The following SLC25A23 variants were observed in gnomAD, a reference collection of about 807,000 sequenced individuals.
The protein encoded by SLC25A23 is solute carrier family 25 member 23.
SLC25A23 carries 32 observed loss-of-function variants against 53.9 expected under a neutral mutation model. That is an observed-to-expected ratio of 0.59 (90% CI 0.45 to 0.80). The LOEUF is 0.80. SLC25A23 is among the 30% of genes least tolerant of loss of function. The pLI, the probability that SLC25A23 is intolerant of heterozygous loss-of-function variation, is 0.00. For synonymous variants in SLC25A23, 275 were observed against 264.5 expected (o/e 1.04, Z -0.38); for missense variants, 575 against 651.4 (o/e 0.88, Z 1.28).
At chr19:6,457,626 T>G in intron 2 of SLC25A23, 36 bp from the exon 3 acceptor site, 1 of 1,582,340 alleles carries the variant, frequency 6.3e-7, no homozygotes, top group Non-Finnish European at 8.7e-7. Flanking sequence ...AGGATGTGCG[T>G]GTGAGGACAC....
rs535855605 is a variant in SLC25A23 at position 6,442,171 on chromosome 19, C to A, written c.1223-12G>T. 3.3e-6 allele frequency: 2 copies of A among 597,874 alleles called. No homozygotes were observed. Among genetic ancestry groups the A allele is most frequent in the Admixed American group, 6.7e-5 (2 of 29,854 alleles). 37.0% of individuals were successfully genotyped at this position (597,874 alleles called of 1,614,324 possible). Reference sequence around the variant, plus strand: ...ACCCTCGATGGAGGCTGGGAGGGGGCGGGGGGGGCACCAGGTAAGGCCAAC... The same window carrying A: ...ACCCTCGATGGAGGCTGGGAGGGGGAGGGGGGGGCACCAGGTAAGGCCAAC... On this transcript the variant is annotated splice_polypyrimidine_tract_variant and intron_variant, in intron 9 of 9. Transcript: ENST00000301454.
At position 6,442,179 on chromosome 19, in the gene SLC25A23, G is replaced by T; in HGVS notation, c.1223-20C>A. The stretch of plus-strand genomic sequence containing the variant: ...TGGAGGCTGGGAGGGGGCGGGGGGG[G>T]CACCAGGTAAGGCCAACGTTCCCCT... On this transcript the variant is annotated intron_variant, in intron 9 of 9. Transcript: ENST00000301454. 1 of 1,456,834 alleles carries T rather than the reference G, an allele frequency of 6.9e-7. No homozygotes were observed. Among genetic ancestry groups the T allele is most frequent in the Non-Finnish European group, 9.2e-7 (1 of 1,092,352 alleles). The allele number at this position is 1,456,834 out of a possible 1,614,324, so 90.2% of individuals were successfully genotyped here. A position where few individuals can be genotyped will look rare whatever the true frequency, so the allele number is the denominator to read the frequency against.
intron 8 of SLC25A23, among the ~76,000 whole-genome samples, chr19:6,448,580 C>A (rs1050242572): frequency 1.3e-5 from 2 of 151,854 alleles, no homozygotes; most frequent in African/African-American, 4.8e-5. Flanking sequence ...AAGCGATTCT[C>A]CTGTCTCAGC....
rs901763525 is a variant in SLC25A23, at chr19:6,454,254, C to A, written c.795+69G>T. ...GTTCACCACCCACCCCCAAGCCAAT[C>A]CCGTAAATCTTTATGTACAGCCCAG... On this transcript the variant is annotated intron_variant, in intron 6 of 9. Coordinates refer to ENST00000301454, the MANE Select transcript of SLC25A23 (RefSeq NM_024103.3). This position sits in a 1 kb window ranked among gnomAD's most constrained non-coding sequence, Gnocchi z 4.3. 2 of 1,558,872 alleles carry A rather than the reference C, an allele frequency of 1.3e-6. No individual in the cohort carries two copies. Among genetic ancestry groups the A allele is most frequent in the Non-Finnish European group, 8.7e-7 (1 of 1,149,316 alleles).
intron 1 of SLC25A23, among the ~76,000 whole-genome samples, chr19:6,458,860 T>A (rs973307525): frequency 1.3e-5 from 2 of 152,252 alleles, no homozygotes; most frequent in Admixed American, 1.3e-4. Flanking sequence ...AGGGTTGCTG[T>A]GGTTCTCTTA....
At position 6,454,640 on chromosome 19, in the gene SLC25A23, T is replaced by C. The variant is rs8103745; in HGVS notation, c.561A>G (p.Lys187=). The change falls in exon 5 of 10, where the codon AAA becomes AAG. Residue 187 remains lysine (K), a synonymous_variant. Coordinates refer to ENST00000301454, the MANE Select transcript of SLC25A23 (RefSeq NM_024103.3). This position sits in a 1 kb window ranked among gnomAD's most constrained non-coding sequence, Gnocchi z 4.3. ...CTGCCACTGCGCCGGCCACCAGCTG[T>C]TTCCACCACATGCCCGTCAGCTTCT... ...KQEKLTGMWW[K]QLVAGAVAGA... is the part of the protein sequence containing the mutation. 101,286 of 1,613,994 alleles carry C rather than the reference T, an allele frequency of 0.063. 12,628 individuals are homozygous for C. Among genetic ancestry groups the C allele is most frequent in the African/African-American group, 0.54 (40,520 of 74,988 alleles).
intron 8 of SLC25A23, among the ~76,000 whole-genome samples, chr19:6,451,588 G>A (rs968287813): frequency 6.6e-6 from 1 of 152,078 alleles, no homozygotes; most frequent in African/African-American, 2.4e-5. Context: ...GGGGAGACCT[G>A]GTGATCCCAC....
chr19:6,442,381 G>A (rs2092435643), intron 9 of SLC25A23, among the ~76,000 whole-genome samples: 1 of 152,108 alleles, frequency 6.6e-6, no homozygotes, highest in Non-Finnish European at 1.5e-5. Flanking sequence ...GAGCAGGTAT[G>A]GGTGTGCAAG....
At chr19:6,458,125 TA>T (rs2092707266) in intron 2 of SLC25A23, 72 bp downstream of exon 2, 1 of 1,563,646 alleles carries the variant, frequency 6.4e-7, no homozygotes, top group African/African-American at 1.4e-5. Flanking sequence ...CTGCCAGTTC[TA>T]ACCCCACTGA....
At chr19:6,439,082 T>C (rs2092375138), downstream of SLC25A23, among the ~76,000 whole-genome samples, 1 of 151,524 alleles carries the variant, frequency 6.6e-6, no homozygotes, top group African/African-American at 2.4e-5. Flanking sequence ...AAGTTGGGCA[T>C]GGTGGTGGTT....
chr19:6,445,215 T>G (rs1274098952), intron 8 of SLC25A23, among the ~76,000 whole-genome samples: 1 of 152,146 alleles, frequency 6.6e-6, no homozygotes, highest in East Asian at 1.9e-4. Context: ...CTTCAAGCGA[T>G]TCTCCTGCCT....
chr19:6,445,617 G>A (rs2144840422), intron 8 of SLC25A23, among the ~76,000 whole-genome samples: 1 of 152,202 alleles, frequency 6.6e-6, no homozygotes, highest in East Asian at 1.9e-4. Context: ...CCAACATCTC[G>A]ATTTTATAAA....
In SLC25A23 at chr19:6,452,339, A is replaced by G; in HGVS notation, c.1044T>C (p.Tyr348=). Residue 348 remains tyrosine (Y), a synonymous_variant, in exon 8 of 10, where the codon TAT becomes TAC. Transcript: ENST00000301454. ...YLPNVLGIIP[Y]AGIDLAVYET... Reference sequence around the variant, plus strand: ...CGTAGACGGCCAGGTCGATGCCCGCATAGGGGATGATGCCCAGCACGTTGG... The same window carrying G: ...CGTAGACGGCCAGGTCGATGCCCGCGTAGGGGATGATGCCCAGCACGTTGG... 1.9e-6 allele frequency: 3 copies of G among 1,613,470 alleles called. No individual in the cohort carries two copies. In the East Asian group the frequency reaches 6.7e-5, roughly 36 times the overall value.
At chr19:6,443,221 G>A (rs2092449889) in intron 9 of SLC25A23, among the ~76,000 whole-genome samples, 1 of 151,942 alleles carries the variant, frequency 6.6e-6, no homozygotes, top group Non-Finnish European at 1.5e-5. Flanking sequence ...TGGCAGGCGT[G>A]AGCCACTACC....
chr19:6,457,924 C>T (rs907270842), intron 2 of SLC25A23, among the ~76,000 whole-genome samples: 6 of 151,954 alleles, frequency 3.9e-5, no homozygotes, highest in Non-Finnish European at 7.4e-5. Context: ...CACAGGGGAC[C>T]CAGGAACAGC....
chr19:6,438,234 T>G (rs1353490449), downstream of SLC25A23: 1 of 152,036 alleles, frequency 6.6e-6, no homozygotes, highest in African/African-American at 2.4e-5. Flanking sequence ...GAGGATCACT[T>G]GAACCCGGGA....
Position 6,441,952 on chromosome 19 carries a change from TG to T in SLC25A23, c.*22del, listed in dbSNP as rs754156468. 6 of 1,603,602 alleles carry T rather than the reference TG, an allele frequency of 3.7e-6. No individual in the cohort carries two copies. The highest frequency in any genetic ancestry group is 2.6e-6 in the Non-Finnish European group (3 of 1,174,908). ...GGCTGAGGTGTGGGGGGTGAGGGAT[TG>T]GGGGGACGGGCTCCGGGTCCCTCAC... On this transcript the variant is annotated 3_prime_UTR_variant, in exon 10 of 10. Transcript: ENST00000301454.
At chr19:6,457,655 A>G in intron 2 of SLC25A23, 65 bp from the exon 3 acceptor site, 1 of 1,403,612 alleles carries the variant, frequency 7.1e-7, no homozygotes, top group Non-Finnish European at 1.0e-6. Flanking sequence ...CCCCAGGACC[A>G]AGGATCAGAA....
intron 9 of SLC25A23, chr19:6,443,623 G>A: frequency 1.4e-6 from 1 of 702,762 alleles, no homozygotes; most frequent in Non-Finnish European, 2.6e-6. Flanking sequence ...CTCTATGAGG[G>A]TGGGGACCGT....
Sources: allele counts gnomAD v4.1 joint callset (sites outside exome capture counted in the v4.1 genomes callset), GRCh38; gene constraint gnomAD v4.1.1; non-coding constraint Gnocchi (gnomAD v3.1); transcripts MANE v1.5; gene names NCBI Gene and HGNC (gene_info 2026-07-23, HGNC 2026-07-21).